RCOR1: variants seen among roughly 807,000 people sequenced by gnomAD.
The protein encoded by RCOR1 is REST corepressor 1, also known as REST corepressor.
In RCOR1, 12 loss-of-function variants were observed where a neutral mutation model predicts 64.0. The observed-to-expected ratio is 0.19, with a 90% CI of 0.12 to 0.30. The LOEUF is 0.30. RCOR1 is among the 10% of genes least tolerant of loss of function. The probability of loss-of-function intolerance (pLI) is 1.00; values close to 1 mark genes in which losing one functional copy is unlikely to be tolerated. For missense variants in RCOR1, 502 were observed against 621.2 expected (o/e 0.81, Z 2.04); for synonymous variants, 279 against 227.2 (o/e 1.23, Z -2.05).
chr14:102,627,063 C>T (rs548666645), intron 2 of RCOR1, among the ~76,000 whole-genome samples: 1 of 152,262 alleles, frequency 6.6e-6, no homozygotes, highest in South Asian at 2.1e-4. Flanking sequence ...TTACTTTAAT[C>T]CTCTAATTCT....
At chr14:102,694,811 T>A (rs1895611285) in intron 3 of RCOR1, among the ~76,000 whole-genome samples, 1 of 152,260 alleles carries the variant, frequency 6.6e-6, no homozygotes, top group African/African-American at 2.4e-5. Context: ...CATTTCTTAT[T>A]TTAATAATAA....
At chr14:102,679,758 G>A (rs985107054) in intron 2 of RCOR1, among the ~76,000 whole-genome samples, 2 of 152,146 alleles carry the variant, frequency 1.3e-5, no homozygotes, top group Non-Finnish European at 2.9e-5. Flanking sequence ...GATTACAGGC[G>A]TGAGCCACTG....
intron 2 of RCOR1, among the ~76,000 whole-genome samples, chr14:102,648,765 A>C (rs1186696868): frequency 2.0e-5 from 3 of 152,148 alleles, no homozygotes; most frequent in Admixed American, 1.3e-4. Context: ...GACAGTGAGA[A>C]TCTTGGTTCT....
intron 2 of RCOR1, among the ~76,000 whole-genome samples, chr14:102,678,419 C>A (rs575509028): frequency 6.6e-6 from 1 of 152,132 alleles, no homozygotes; most frequent in Non-Finnish European, 1.5e-5. Flanking sequence ...CCTGCCTCAG[C>A]CTCCTGAGTA....
At chr14:102,721,196 C>G in intron 9 of RCOR1, 112 bp downstream of exon 9, 1 of 1,090,778 alleles carries the variant, frequency 9.2e-7, no homozygotes, top group South Asian at 1.4e-5. Flanking sequence ...AGTATATGGA[C>G]ATAATTTTAT....
intron 2 of RCOR1, chr14:102,655,842 A>T: frequency 5.7e-6 from 2 of 349,752 alleles, no homozygotes; most frequent in Non-Finnish European, 8.0e-6. Context: ...AATCCCAGCT[A>T]CTCAGGAGGC....
At chr14:102,603,660 G>T (rs551758363) in intron 2 of RCOR1, among the ~76,000 whole-genome samples, 1 of 148,812 alleles carries the variant, frequency 6.7e-6, no homozygotes, top group African/African-American at 2.5e-5. Context: ...TTGCTCTGTT[G>T]CCCAGGCTGG....
intron 4 of RCOR1, among the ~76,000 whole-genome samples, chr14:102,705,444 TTTTTG>T (rs1895832074): frequency 6.6e-6 from 1 of 152,196 alleles, no homozygotes; most frequent in Non-Finnish European, 1.5e-5. Context: ...AGCTTGTGTC[TTTTTG>T]TTTGTTTTGT....
At chr14:102,611,352 AGCCACCAT>A (rs1180120049) in intron 2 of RCOR1, among the ~76,000 whole-genome samples, 2 of 152,154 alleles carry the variant, frequency 1.3e-5, no homozygotes, top group Non-Finnish European at 2.9e-5. Flanking sequence ...TACAGGCATG[AGCCACCAT>A]GCCCGGCCTC....
intron 2 of RCOR1, among the ~76,000 whole-genome samples, chr14:102,624,321 T>A (rs1707105134): frequency 6.6e-6 from 1 of 151,642 alleles, no homozygotes; most frequent in African/African-American, 2.4e-5. Flanking sequence ...CTGGCCAACA[T>A]GGTGAAACCC....
rs1380386080 is a variant in RCOR1, at chr14:102,658,551, C to G, written c.362-23344C>G. 3.0e-6 allele frequency: 3 copies of G among 985,194 alleles called. No individual in the cohort carries two copies. The African/African-American group carries it at 5.2e-5, about 17-fold the overall frequency. The allele number at this position is 985,194 out of a possible 1,614,324, so 61.0% of individuals were successfully genotyped here. A position where few individuals can be genotyped will look rare whatever the true frequency, so the allele number is the denominator to read the frequency against. ...ATTATGGAAAGTTTTTAGAATGTGACTCTTTTCTCAGGAACAGGATGGCTA... is the reference window on the plus strand; with the variant it reads ...ATTATGGAAAGTTTTTAGAATGTGAGTCTTTTCTCAGGAACAGGATGGCTA... On this transcript the variant is annotated intron_variant, in intron 2 of 11. Transcript: ENST00000262241.
At chr14:102,645,105 A>G (rs759436446) in intron 2 of RCOR1, among the ~76,000 whole-genome samples, 3 of 152,180 alleles carry the variant, frequency 2.0e-5, no homozygotes, top group Non-Finnish European at 4.4e-5. Flanking sequence ...AACCTACTAC[A>G]TTAGACAGGA....
chr14:102,692,425 GT>G (rs1895552384), intron 3 of RCOR1, among the ~76,000 whole-genome samples: 1 of 143,038 alleles, frequency 7.0e-6, no homozygotes, highest in Non-Finnish European at 1.5e-5. Flanking sequence ...CTCTCAAGTA[GT>G]TCAGGAAAAA....
At chr14:102,684,216 T>C (rs1043950456) in intron 3 of RCOR1, among the ~76,000 whole-genome samples, 1 of 152,196 alleles carries the variant, frequency 6.6e-6, no homozygotes, top group Non-Finnish European at 1.5e-5. Flanking sequence ...CCTGTCAGTG[T>C]CAGGCAGTGG....
At chr14:102,679,140 A>T (rs913995780) in intron 2 of RCOR1, among the ~76,000 whole-genome samples, 7 of 152,168 alleles carry the variant, frequency 4.6e-5, no homozygotes, top group Non-Finnish European at 8.8e-5. Flanking sequence ...ACCATTAAAA[A>T]ATGTTTGGTG....
At chr14:102,704,011 A>C (rs1391989568) in intron 4 of RCOR1, among the ~76,000 whole-genome samples, 1 of 152,216 alleles carries the variant, frequency 6.6e-6, no homozygotes, top group African/African-American at 2.4e-5. Flanking sequence ...TGTCTCCTGC[A>C]CCCACTCCCT....
At chr14:102,595,870 C>G (rs1168182549) in intron 2 of RCOR1, among the ~76,000 whole-genome samples, 1 of 151,598 alleles carries the variant, frequency 6.6e-6, no homozygotes, top group African/African-American at 2.4e-5. Context: ...TGTGCCACCG[C>G]GCCCGGCCCC....
chr14:102,671,466 G>A (rs1291873589), intron 2 of RCOR1, among the ~76,000 whole-genome samples: 1 of 152,128 alleles, frequency 6.6e-6, no homozygotes, highest in African/African-American at 2.4e-5. Flanking sequence ...GGTGATCATA[G>A]CTCACTACAG....
intron 2 of RCOR1, among the ~76,000 whole-genome samples, chr14:102,676,531 C>T (rs1252677049): frequency 1.3e-4 from 8 of 62,532 alleles, no homozygotes; most frequent in Middle Eastern, 0.014. Flanking sequence ...CCCTCCCGGA[C>T]GGGGCGGCTG....
Sources: allele counts gnomAD v4.1 joint callset (sites outside exome capture counted in the v4.1 genomes callset), GRCh38; gene constraint gnomAD v4.1.1; transcripts MANE v1.5; gene names NCBI Gene and HGNC (gene_info 2026-07-23, HGNC 2026-07-21).